AOX1: variants seen among roughly 807,000 people sequenced by gnomAD.
AOX1 encodes aldehyde oxidase 1.
A neutral mutation model predicts 169.5 loss-of-function variants in AOX1; 153 were observed. The ratio of observed to expected loss-of-function variants is 0.90; its 90% confidence interval spans 0.79 to 1.03. AOX1 has a LOEUF of 1.03. Among genes scored for constraint, AOX1 ranks in the 50% least tolerant of loss-of-function variants. The probability of loss-of-function intolerance (pLI) is 0.00; values close to 1 mark genes in which losing one functional copy is unlikely to be tolerated. For synonymous variants in AOX1, 562 were observed against 581.9 expected, an observed-to-expected ratio of 0.97 and a Z score of 0.49; for missense variants, 1,656 against 1,663.9, an observed-to-expected ratio of 1.00 and a Z score of 0.08.
chr2:200,586,058 C>G lies in AOX1; in HGVS notation c.-51C>G. The G allele has an allele frequency of 6.5e-7, 1 of 1,546,100 alleles. No homozygotes were observed. Among genetic ancestry groups the G allele is most frequent in the Non-Finnish European group, 8.7e-7 (1 of 1,146,304 alleles). ...CCGGGTCCCAGGTGCCCGCTACTTC[C>G]CAGAACCTCCGCCTCCCGCTCCGGG... is the stretch of plus-strand genomic sequence containing the variant. On this transcript the variant is annotated 5_prime_UTR_variant, in exon 1 of 35. Transcript: ENST00000374700.
chr2:200,644,430 C>A lies in AOX1; in HGVS notation c.2847+1629C>A, dbSNP rs191391432. Among the ~76,000 whole-genome samples, 18 of 152,308 alleles carry A rather than the reference C, an allele frequency of 1.2e-4. No homozygotes were observed. The East Asian group carries it at 3.5e-3, about 29-fold the overall frequency. On this transcript the variant is annotated intron_variant, in intron 25 of 34. Coordinates refer to ENST00000374700, the MANE Select transcript of AOX1 (RefSeq NM_001159.4). The stretch of plus-strand genomic sequence containing the variant: ...TCTATGTGCCTATTTTTATACACTA[C>A]TACACCATTTTGTTGACTATGGCCT...
At chr2:200,668,565 T>C (rs1161119403) in intron 32 of AOX1, 50 bp from the exon 33 acceptor site, 8 of 1,507,748 alleles carry the variant, frequency 5.3e-6, no homozygotes, top group Non-Finnish European at 7.3e-6. Context: ...CTACTTAGTG[T>C]TGACTGTGTT....
chr2:200,673,992 C>T (rs987987240), downstream of AOX1, among the ~76,000 whole-genome samples: 2 of 152,152 alleles, frequency 1.3e-5, no homozygotes, highest in African/African-American at 2.4e-5. Context: ...AAACACAAGT[C>T]GTAAGATCAG....
At chr2:200,592,934 G>A (rs988531049) in intron 1 of AOX1, among the ~76,000 whole-genome samples, 2 of 152,112 alleles carry the variant, frequency 1.3e-5, no homozygotes, top group Non-Finnish European at 2.9e-5. Context: ...GATAATTCAG[G>A]ACCAAGGACA....
chr2:200,613,300 G>A (rs147937796), intron 14 of AOX1, among the ~76,000 whole-genome samples: 19 of 152,190 alleles, frequency 1.2e-4, no homozygotes, highest in Admixed American at 2.6e-4. Context: ...AAGGCAGACT[G>A]GCCAAAATCT....
chr2:200,609,175 T>A (rs1326245626), intron 11 of AOX1, 40 bp downstream of exon 11: 1 of 1,608,392 alleles, frequency 6.2e-7, no homozygotes, highest in Admixed American at 1.7e-5. Flanking sequence ...ATGCATCCCT[T>A]GGGTGACTCT....
intron 19 of AOX1, among the ~76,000 whole-genome samples, chr2:200,626,801 A>G (rs1018635427): frequency 1.6e-4 from 25 of 152,226 alleles, no homozygotes; most frequent in African/African-American, 6.0e-4. Context: ...ACTAGCAATT[A>G]TTGAGTGTTT....
chr2:200,637,487 G>A (rs1206965166), intron 22 of AOX1, among the ~76,000 whole-genome samples: 3 of 151,748 alleles, frequency 2.0e-5, no homozygotes, highest in Non-Finnish European at 4.4e-5. Flanking sequence ...ATGTTTGTGT[G>A]TATATATGTA....
intron 25 of AOX1, among the ~76,000 whole-genome samples, chr2:200,650,418 CA>C (rs2035558734): frequency 6.6e-6 from 1 of 152,186 alleles, no homozygotes; most frequent in Non-Finnish European, 1.5e-5. Flanking sequence ...ACATACTTGG[CA>C]CCTTTTATTC....
At chr2:200,630,264 T>C (rs2035090680) in intron 20 of AOX1, among the ~76,000 whole-genome samples, 1 of 147,746 alleles carries the variant, frequency 6.8e-6, no homozygotes, top group Non-Finnish European at 1.5e-5. Context: ...GGCTCTTGCC[T>C]GTAATCCCAG....
chr2:200,595,121 T>A, intron 2 of AOX1, 151 bp from the exon 3 acceptor site: 4 of 452,812 alleles, frequency 8.8e-6, no homozygotes, highest in Non-Finnish European at 7.9e-6. Context: ...GCTTCTATAA[T>A]AGTAATTAAG....
chr2:200,599,649 G>C lies in AOX1; in HGVS notation c.339G>C (p.Gln113His). 6.2e-7 allele frequency: 1 copy of C among 1,612,376 alleles called. No individual in the cohort carries two copies. Among genetic ancestry groups the C allele is most frequent in the Non-Finnish European group, 8.5e-7 (1 of 1,179,040 alleles). The change falls in exon 5 of 35, where the codon CAG (glutamine) becomes CAC (histidine). Residue 113 changes from glutamine to histidine, a missense_variant. By Grantham distance (24) the Gln-to-His change is conservative. Transcript: ENST00000374700. ...GGATTGCCAAGTGTCATGGCACCCA[G>C]TGTGGCTTCTGCACACCTGGGATGG... ...QERIAKCHGT[Q>H]CGFCTPGMVM...
intron 7 of AOX1, 50 bp from the exon 8 acceptor site, chr2:200,603,967 G>C (rs1389927121): frequency 6.3e-6 from 8 of 1,261,464 alleles, no homozygotes; most frequent in Non-Finnish European, 9.3e-6. Flanking sequence ...TTCCACAAAG[G>C]ATTTTAAAGT....
intron 20 of AOX1, among the ~76,000 whole-genome samples, chr2:200,632,100 A>G (rs1394326374): frequency 6.6e-6 from 1 of 152,030 alleles, no homozygotes; most frequent in Non-Finnish European, 1.5e-5. Context: ...TTAATTTTTA[A>G]AAGTTCTGCC....
intron 3 of AOX1, 47 bp from the exon 4 acceptor site, chr2:200,597,350 G>A: frequency 1.4e-6 from 2 of 1,421,942 alleles, no homozygotes; most frequent in Non-Finnish European, 1.9e-6. Flanking sequence ...CTTTCCCACT[G>A]TATGCGACAT....
intron 21 of AOX1, 145 bp from the exon 22 acceptor site, chr2:200,636,766 T>C (rs1159173437): frequency 2.1e-6 from 2 of 932,124 alleles, no homozygotes; most frequent in African/African-American, 1.7e-5. Context: ...CATTAAAGAA[T>C]CAAAACATCT....
chr2:200,657,004 A>G (rs2035701603), intron 27 of AOX1, 67 bp downstream of exon 27: 2 of 1,081,528 alleles, frequency 1.8e-6, no homozygotes, highest in African/African-American at 1.6e-5. Flanking sequence ...GAGAAAAACT[A>G]TGAATGGATA....
intron 8 of AOX1, 65 bp downstream of exon 8, chr2:200,604,162 G>T (rs1412485088): frequency 2.6e-5 from 32 of 1,223,544 alleles, no homozygotes; most frequent in Non-Finnish European, 3.6e-5. Context: ...AAGGGTATTT[G>T]TTTATGGGTT....
chr2:200,603,772 C>T (rs2034460083), intron 7 of AOX1, among the ~76,000 whole-genome samples: 1 of 152,134 alleles, frequency 6.6e-6, no homozygotes, highest in Admixed American at 6.5e-5. Context: ...TTCTACTGTC[C>T]CCAGACTCCA....
Sources: gnomAD v4.1 joint callset for allele counts (sites outside exome capture counted in the v4.1 genomes callset) on GRCh38, gnomAD v4.1.1 for gene constraint, MANE v1.5 for transcripts, NCBI Gene and HGNC (gene_info 2026-07-23, HGNC 2026-07-21) for gene names.